OR9Q1: variants seen among roughly 807,000 people sequenced by gnomAD.
OR9Q1 encodes the protein olfactory receptor family 9 subfamily Q member 1.
For missense variants in OR9Q1, 374 were observed against 378.8 expected (o/e 0.99, Z 0.11); for synonymous variants, 153 against 148.6 (o/e 1.03, Z -0.22).
rs558297132 is a variant in OR9Q1 at position 58,095,000 on chromosome 11, T to C, written c.-15+39053T>C. On this transcript the variant is annotated intron_variant, in intron 2 of 2. Coordinates refer to ENST00000335397, the MANE Select transcript of OR9Q1 (RefSeq NM_001005212.4). ...GCAAAATACATGTTCGTCAATTTTG[T>C]TGAGTAACATGCACTTCTATCTCTT... Among the ~76,000 whole-genome samples, 5 of 152,356 alleles carry C rather than the reference T, an allele frequency of 3.3e-5. No individual in the cohort carries two copies. The South Asian group carries it at 6.2e-4, about 19-fold the overall frequency.
intron 1 of OR9Q1, among the ~76,000 whole-genome samples, chr11:58,027,840 A>G (rs866944301): frequency 2.6e-5 from 4 of 152,338 alleles, no homozygotes; most frequent in Middle Eastern, 6.8e-3. Context: ...CTTTCAATGT[A>G]GCTAATCTGG....
intron 2 of OR9Q1, among the ~76,000 whole-genome samples, chr11:58,069,473 G>C (rs1014449146): frequency 2.0e-5 from 3 of 152,098 alleles, no homozygotes; most frequent in Admixed American, 2.0e-4. Flanking sequence ...TCCTTGCCCT[G>C]AGTACAAGGC....
At chr11:58,059,292 GA>G (rs549824675) in intron 2 of OR9Q1, among the ~76,000 whole-genome samples, 2 of 152,216 alleles carry the variant, frequency 1.3e-5, no homozygotes, top group South Asian at 4.1e-4. Flanking sequence ...TTATTTGAAA[GA>G]TAAAGGCTCA....
At chr11:58,121,304 C>T (rs1460003504) in intron 2 of OR9Q1, among the ~76,000 whole-genome samples, 1 of 152,110 alleles carries the variant, frequency 6.6e-6, no homozygotes, top group Admixed American at 6.5e-5. Context: ...TGCATAATAC[C>T]ATGTTCCAAG....
At chr11:58,025,521 A>G (rs1435221166) in intron 1 of OR9Q1, among the ~76,000 whole-genome samples, 2 of 152,128 alleles carry the variant, frequency 1.3e-5, no homozygotes, top group African/African-American at 2.4e-5. Context: ...TTTTGGAGAG[A>G]AGCTCATCTT....
At chr11:58,139,942 C>T (rs906076288) in intron 2 of OR9Q1, among the ~76,000 whole-genome samples, 100 of 104,328 alleles carry the variant, frequency 9.6e-4, no homozygotes, top group African/African-American at 3.0e-3. Context: ...CTCTCCAGCA[C>T]CTGTTGTTTC....
At chr11:58,065,316 C>A (rs1203920802) in intron 2 of OR9Q1, among the ~76,000 whole-genome samples, 1 of 149,262 alleles carries the variant, frequency 6.7e-6, no homozygotes, top group Non-Finnish European at 1.5e-5. Flanking sequence ...GGCAGACAGG[C>A]AGATATCTGC....
intron 2 of OR9Q1, among the ~76,000 whole-genome samples, chr11:58,124,270 A>T (rs548441080): frequency 6.6e-6 from 1 of 152,316 alleles, no homozygotes; most frequent in South Asian, 2.1e-4. Context: ...TGACTCTTTT[A>T]AGAAAGCCTA....
At chr11:58,101,798 G>T (rs935731361) in intron 2 of OR9Q1, among the ~76,000 whole-genome samples, 1 of 152,150 alleles carries the variant, frequency 6.6e-6, no homozygotes, top group Non-Finnish European at 1.5e-5. Flanking sequence ...CCAGGCTGGA[G>T]TGCAATGGCA....
At chr11:58,046,820 G>A (rs548908113) in intron 1 of OR9Q1, among the ~76,000 whole-genome samples, 13 of 151,974 alleles carry the variant, frequency 8.6e-5, no homozygotes, top group Admixed American at 2.0e-4. Flanking sequence ...CTGAGATCAC[G>A]CCATTGCATT....
chr11:58,111,001 C>T lies in OR9Q1; in HGVS notation c.-15+55054C>T, dbSNP rs769559161. On this transcript the variant is annotated intron_variant, in intron 2 of 2. Transcript: ENST00000335397. ...CCAGTCACAGAACTTCCACAGAATC[C>T]TTCAGGGCTGCCTACTGATTTTGAG... is the stretch of plus-strand genomic sequence containing the variant. Among the ~76,000 whole-genome samples, 18 of 152,244 alleles carry T rather than the reference C, an allele frequency of 1.2e-4. 2 individuals carry two copies. The South Asian group carries it at 1.2e-3, about 11-fold the overall frequency.
At chr11:58,131,543 T>G (rs929276105) in intron 2 of OR9Q1, among the ~76,000 whole-genome samples, 32 of 152,026 alleles carry the variant, frequency 2.1e-4, no homozygotes, top group Admixed American at 3.9e-4. Context: ...TTTATATAAT[T>G]TTATAAATAT....
chr11:58,149,713 A>T (rs1206013951), intron 2 of OR9Q1, among the ~76,000 whole-genome samples: 1 of 152,122 alleles, frequency 6.6e-6, no homozygotes, highest in African/African-American at 2.4e-5. Flanking sequence ...ATCATATAAT[A>T]TTTGTGTTTC....
chr11:58,163,613 G>T (rs1311443507), intron 2 of OR9Q1, among the ~76,000 whole-genome samples: 1 of 152,176 alleles, frequency 6.6e-6, no homozygotes, highest in African/African-American at 2.4e-5. Flanking sequence ...TTTTCCCTAA[G>T]GTTTTCTTTG....
At chr11:58,025,407 G>C (rs1565051715) in intron 1 of OR9Q1, among the ~76,000 whole-genome samples, 1 of 152,152 alleles carries the variant, frequency 6.6e-6, no homozygotes, top group Non-Finnish European at 1.5e-5. Context: ...TCACCGTGTT[G>C]GCCAGGATGG....
chr11:58,077,325 T>C (rs1276295097), intron 2 of OR9Q1: 1 of 152,182 alleles, frequency 6.6e-6, no homozygotes, highest in African/African-American at 2.4e-5. Flanking sequence ...AAGAGGAGAC[T>C]GGTCAAGAAG....
rs372061010 is a variant in OR9Q1, at chr11:58,097,461, G to T, written c.-15+41514G>T. ...CAATTTTATATGGACCATGCCAAGT[G>T]TTGGAAGCCATACGAAGAAACTGTA... On this transcript the variant is annotated intron_variant, in intron 2 of 2. Transcript: ENST00000335397. Among the ~76,000 whole-genome samples the T allele has an allele frequency of 9.8e-5, 15 of 152,324 alleles. No individual in the cohort carries two copies. In the East Asian group the frequency reaches 2.1e-3, roughly 22 times the overall value.
chr11:58,026,910 A>C (rs1055401716), intron 1 of OR9Q1: 5 of 152,174 alleles, frequency 3.3e-5, no homozygotes, highest in African/African-American at 9.7e-5. Context: ...AACTCTTTGA[A>C]TGTTGTTCTC....
At chr11:58,136,914 A>G (rs1232581447) in intron 2 of OR9Q1, among the ~76,000 whole-genome samples, 1 of 151,876 alleles carries the variant, frequency 6.6e-6, no homozygotes, top group Non-Finnish European at 1.5e-5. Context: ...AGACCTGGAG[A>G]CCTCCCTAAG....
Sources: allele counts gnomAD v4.1 joint callset (sites outside exome capture counted in the v4.1 genomes callset), GRCh38; gene constraint gnomAD v4.1.1; transcripts MANE v1.5; gene names NCBI Gene and HGNC (gene_info 2026-07-23, HGNC 2026-07-21).